The following WNT11 variants were observed in gnomAD, a reference collection of about 807,000 sequenced individuals.
The protein encoded by WNT11 is Wnt family member 11, also known as protein Wnt-11.
In WNT11, 20 loss-of-function variants were observed where a neutral mutation model predicts 35.6. The observed-to-expected ratio is 0.56, with a 90% CI of 0.40 to 0.82. WNT11 has a LOEUF of 0.82. WNT11 is among the 40% of genes least tolerant of loss of function. WNT11 has a pLI of 0.00. For missense variants in WNT11, 459 were observed against 504.4 expected (o/e 0.91, Z 0.86); for synonymous variants, 200 against 211.9 (o/e 0.94, Z 0.49).
rs1268134742 is a variant in WNT11 at position 76,194,073 on chromosome 11, T to C, written c.597+494A>G. On this transcript the variant is annotated intron_variant, in intron 3 of 4. Coordinates refer to ENST00000322563, the MANE Select transcript of WNT11 (RefSeq NM_004626.3). The surrounding 1 kb of genome is among the most constrained non-coding windows in gnomAD (Gnocchi z 5.4). ...AAACTGTTCTAGCAGCTTCGGTTGG[T>C]GTGGGTGGGAGTCCCCGTTAAATCC... Among the ~76,000 whole-genome samples the C allele has an allele frequency of 2.0e-5, 3 of 151,992 alleles. No individual in the cohort carries two copies. Among genetic ancestry groups the C allele is most frequent in the Non-Finnish European group, 4.4e-5 (3 of 68,000 alleles).
At chr11:76,209,652 C>T (rs1953530166), upstream of WNT11, among the ~76,000 whole-genome samples, 1 of 145,274 alleles carries the variant, frequency 6.9e-6, no homozygotes, top group East Asian at 2.3e-4. Flanking sequence ...GTCTGCTTGG[C>T]TGCGCACGCG....
At chr11:76,207,761 G>A (rs1370123392), upstream of WNT11, among the ~76,000 whole-genome samples, 2 of 152,174 alleles carry the variant, frequency 1.3e-5, no homozygotes, top group Non-Finnish European at 2.9e-5. Context: ...TCCAGGCGGC[G>A]CCCTCGGGCC....
At chr11:76,199,553 C>T (rs986000200) in intron 1 of WNT11, among the ~76,000 whole-genome samples, 7 of 151,874 alleles carry the variant, frequency 4.6e-5, no homozygotes, top group Non-Finnish European at 1.0e-4. Flanking sequence ...ATGTGTAATC[C>T]CAGCAATTTG....
chr11:76,206,491 C>T lies in WNT11; in HGVS notation c.-84G>A, dbSNP rs1953477460. 2 of 1,264,678 alleles carry T rather than the reference C, an allele frequency of 1.6e-6. No homozygotes were observed. The highest frequency in any genetic ancestry group is 6.4e-5 in the East Asian group (2 of 31,154). 78.3% of individuals were successfully genotyped at this position (1,264,678 alleles called of 1,614,324 possible). On this transcript the variant is annotated 5_prime_UTR_variant, in exon 1 of 5. Coordinates refer to ENST00000322563, the MANE Select transcript of WNT11 (RefSeq NM_004626.3). ...GCCTGCACGGCCGCCGCTGGTCCTG[C>T]ACGCCGCCTGCAGCCGGGGAGAGCG...
At chr11:76,189,137 T>G (rs12293246) in intron 4 of WNT11, among the ~76,000 whole-genome samples, 1 of 152,260 alleles carries the variant, frequency 6.6e-6, no homozygotes, top group Non-Finnish European at 1.5e-5. Context: ...TGAACCTTTT[T>G]GGGCTTTGTT....
chr11:76,202,310 G>A (rs1405446544), intron 1 of WNT11, among the ~76,000 whole-genome samples: 1 of 152,194 alleles, frequency 6.6e-6, no homozygotes, highest in Non-Finnish European at 1.5e-5. Context: ...GCTGCGGGCT[G>A]GCTTAGGGAC....
chr11:76,206,286 T>C lies in WNT11; in HGVS notation c.83+39A>G, dbSNP rs1367652744. 3 of 1,454,764 alleles carry C rather than the reference T, an allele frequency of 2.1e-6. 1 individual carries two copies. In the South Asian group the frequency reaches 4.1e-5, roughly 20 times the overall value. The allele number at this position is 1,454,764 out of a possible 1,614,324, so 90.1% of individuals were successfully genotyped here. On this transcript the variant is annotated intron_variant, in intron 1 of 4. Coordinates refer to ENST00000322563, the MANE Select transcript of WNT11 (RefSeq NM_004626.3). ...CCCAAAACGCCCTCCGCCGCCCCAGTCCCTGGCCTGTGCGCGTGGACGCGG... is the reference window on the plus strand; with the variant it reads ...CCCAAAACGCCCTCCGCCGCCCCAGCCCCTGGCCTGTGCGCGTGGACGCGG...
chr11:76,191,400 C>T (rs1953181480), intron 4 of WNT11, among the ~76,000 whole-genome samples, 164 bp downstream of exon 4: 1 of 152,188 alleles, frequency 6.6e-6, no homozygotes, highest in African/African-American at 2.4e-5. Context: ...ACCCTAGAAC[C>T]CTGGCATCTC....
At chr11:76,200,727 C>A (rs1009003520) in intron 1 of WNT11, among the ~76,000 whole-genome samples, 2 of 152,238 alleles carry the variant, frequency 1.3e-5, no homozygotes, top group African/African-American at 2.4e-5. Context: ...CCCCACCCAG[C>A]CCGTCCTGAG....
chr11:76,207,791 G>T (rs1219804692), upstream of WNT11, among the ~76,000 whole-genome samples: 1 of 152,086 alleles, frequency 6.6e-6, no homozygotes. Context: ...AGGCTGCCCC[G>T]CCCGCCCGCA....
chr11:76,191,451 G>T (rs1405761869), intron 4 of WNT11, 113 bp downstream of exon 4: 6 of 1,244,610 alleles, frequency 4.8e-6, no homozygotes, highest in Non-Finnish European at 6.8e-6. Context: ...ACTGAGCAGG[G>T]TCTCCATTCC....
Position 76,194,518 on chromosome 11 carries a change from C to A in WNT11, c.597+49G>T, listed in dbSNP as rs1016729451. The A allele has an allele frequency of 3.3e-6, 5 of 1,497,900 alleles. No homozygotes were observed. Among genetic ancestry groups the A allele is most frequent in the Non-Finnish European group, 4.5e-6 (5 of 1,118,934 alleles). 92.8% of individuals were successfully genotyped at this position (1,497,900 alleles called of 1,614,324 possible). A position where few individuals can be genotyped will look rare whatever the true frequency, so the allele number is the denominator to read the frequency against. On this transcript the variant is annotated intron_variant, in intron 3 of 4. Coordinates refer to ENST00000322563, the MANE Select transcript of WNT11 (RefSeq NM_004626.3). The surrounding 1 kb of genome is among the most constrained non-coding windows in gnomAD (Gnocchi z 5.4). ...GGCAAGCTGGGTGGCCCTTTTCTGG[C>A]CAATGGCACAAGCACAACTATCTGG...
chr11:76,199,098 A>G (rs1361405083), intron 1 of WNT11, among the ~76,000 whole-genome samples: 1 of 152,120 alleles, frequency 6.6e-6, no homozygotes, highest in Non-Finnish European at 1.5e-5. Context: ...GCACCACTGC[A>G]CTCCAGCCTG....
Position 76,194,723 on chromosome 11 carries a change from T to G in WNT11, c.441A>C (p.Pro147=). 6.5e-7 allele frequency: 1 copy of G among 1,550,374 alleles called. No individual in the cohort carries two copies. Among genetic ancestry groups the G allele is most frequent in the Non-Finnish European group, 8.7e-7 (1 of 1,147,026 alleles). Residue 147 remains proline (P), a synonymous_variant, in exon 3 of 5, where the codon CCA becomes CCC. Transcript: ENST00000322563. This position sits in a 1 kb window ranked among gnomAD's most constrained non-coding sequence, Gnocchi z 5.4. ...GCSCGPVPGE[P]PGPGNRWGGC... ...CTCCCCAGCGGTTCCCGGGCCCGGG[T>G]GGCTCACCTGGGACGGGGCCGCAGG...
chr11:76,210,179 G>C (rs528585037), upstream of WNT11, among the ~76,000 whole-genome samples: 67 of 152,064 alleles, frequency 4.4e-4, no homozygotes, highest in African/African-American at 1.5e-3. Context: ...CAGAAGAGGG[G>C]GGCCGGGCCG....
At chr11:76,200,748 C>G (rs967414147) in intron 1 of WNT11, among the ~76,000 whole-genome samples, 1 of 152,240 alleles carries the variant, frequency 6.6e-6, no homozygotes, top group Non-Finnish European at 1.5e-5. Flanking sequence ...CCTGCTCTGC[C>G]GCTTGCCCTC....
Position 76,194,831 on chromosome 11 carries a change from C to A in WNT11, c.333G>T (p.Ser111=). 6.6e-7 allele frequency: 1 copy of A among 1,519,336 alleles called. No homozygotes were observed. The allele number at this position is 1,519,336 out of a possible 1,614,324, so 94.1% of individuals were successfully genotyped here. A position where few individuals can be genotyped will look rare whatever the true frequency, so the allele number is the denominator to read the frequency against. ...LLDLERGTRE[S]AFVYALSAAA... ...CGGCCGACAGCGCATACACGAAGGC[C>A]GACTCCCGGGTCCCTGAGGGTGGGA... Residue 111 remains serine (S), a synonymous_variant, in exon 3 of 5, where the codon TCG becomes TCT. Coordinates refer to ENST00000322563, the MANE Select transcript of WNT11 (RefSeq NM_004626.3). This position sits in a 1 kb window ranked among gnomAD's most constrained non-coding sequence, Gnocchi z 5.4.
chr11:76,193,805 A>G (rs1953226524), intron 3 of WNT11, among the ~76,000 whole-genome samples: 1 of 152,172 alleles, frequency 6.6e-6, no homozygotes. Context: ...CCATCTGCAC[A>G]TGCAGCTCTG....
intron 1 of WNT11, among the ~76,000 whole-genome samples, chr11:76,202,506 G>C (rs1953395933): frequency 5.9e-5 from 9 of 152,138 alleles, no homozygotes; most frequent in Admixed American, 5.2e-4. Flanking sequence ...GGAGGATGGA[G>C]CAGGACCCCA....
Sources: gnomAD v4.1 joint callset for allele counts (sites outside exome capture counted in the v4.1 genomes callset) on GRCh38, gnomAD v4.1.1 for gene constraint, Gnocchi (gnomAD v3.1) non-coding constraint, MANE v1.5 for transcripts, NCBI Gene and HGNC (gene_info 2026-07-23, HGNC 2026-07-21) for gene names.